The following GSE1 variants were observed in gnomAD, a reference collection of about 807,000 sequenced individuals.
GSE1 encodes Gse1 coiled-coil protein, also known as genetic suppressor element 1.
In GSE1, 32 loss-of-function variants were observed where a neutral mutation model predicts 112.6. The ratio of observed to expected loss-of-function variants is 0.28; its 90% CI spans 0.21 to 0.38. The LOEUF is 0.38. Ranked by LOEUF, GSE1 falls within the 10% of genes least tolerant of loss-of-function variation. The probability of loss-of-function intolerance (pLI) is 1.00; values close to 1 mark genes in which losing one functional copy is unlikely to be tolerated. For synonymous variants in GSE1, 1,115 were observed against 735.6 expected, an observed-to-expected ratio of 1.52 and a Z score of -8.35; for missense variants, 2,348 against 1,699.2, an observed-to-expected ratio of 1.38 and a Z score of -6.71.
chr16:85,667,345 C>G (rs554648751), intron 13 of GSE1, among the ~76,000 whole-genome samples: 6 of 152,386 alleles, frequency 3.9e-5, no homozygotes, highest in African/African-American at 1.4e-4. Flanking sequence ...TCTCAGGCCC[C>G]ACCAGGGGCT....
Position 85,656,419 on chromosome 16 carries a change from G to C in GSE1, c.1066G>C (p.Glu356Gln). The C allele has an allele frequency of 1.3e-6, 2 of 1,573,792 alleles. No individual in the cohort carries two copies. The highest frequency in any genetic ancestry group is 1.7e-6 in the Non-Finnish European group (2 of 1,155,642). Residue 356 changes from glutamate to glutamine, a missense_variant, in exon 7 of 16, where the codon GAG becomes CAG. Transcript: ENST00000253458. Reference protein sequence around the residue: ...EREREREADREREKERERERE... With the variant: ...EREREREADRQREKERERERE... ...CGAGCGTGAGCGTGAGGCTGACCGCGAGCGGGAGAAGGAACGTGAGCGCGA... is the reference window on the plus strand; with the variant it reads ...CGAGCGTGAGCGTGAGGCTGACCGCCAGCGGGAGAAGGAACGTGAGCGCGA...
At chr16:85,194,511 G>T (rs1411205439) in intron 1 of GSE1, among the ~76,000 whole-genome samples, 1 of 152,170 alleles carries the variant, frequency 6.6e-6, no homozygotes, top group Non-Finnish European at 1.5e-5. Flanking sequence ...ATTCTGGAAG[G>T]TTTTTGAGCA....
chr16:85,440,221 G>T (rs1316056289), intron 2 of GSE1, among the ~76,000 whole-genome samples: 1 of 152,234 alleles, frequency 6.6e-6, no homozygotes, highest in African/African-American at 2.4e-5. Context: ...TGGAGGTGAG[G>T]ATCAGGAGAC....
At chr16:85,586,798 G>A (rs1018506817) in intron 1 of GSE1, among the ~76,000 whole-genome samples, 4 of 152,150 alleles carry the variant, frequency 2.6e-5, no homozygotes, top group Non-Finnish European at 5.9e-5. Context: ...GCTCTCCTCC[G>A]TGCCCCCAGG....
At chr16:85,331,681 GTGTGTA>G (rs1266328706) in intron 1 of GSE1, among the ~76,000 whole-genome samples, 1,530 of 48,040 alleles carry the variant, frequency 0.032, 166 homozygotes, top group South Asian at 0.049. Context: ...GTGTGTGTGT[GTGTGTA>G]TATATATATA....
intron 1 of GSE1, among the ~76,000 whole-genome samples, chr16:85,194,294 C>T (rs1273043080): frequency 2.6e-5 from 4 of 152,162 alleles, no homozygotes; most frequent in African/African-American, 9.7e-5. Context: ...GATGCTGGTT[C>T]TTTCATTTCA....
At chr16:85,428,038 C>G (rs2049032601) in intron 2 of GSE1, among the ~76,000 whole-genome samples, 1 of 152,182 alleles carries the variant, frequency 6.6e-6, no homozygotes. Context: ...CATGCGTGGC[C>G]CGTGGCTGCT....
chr16:85,633,762 G>A (rs1355033504), intron 1 of GSE1, 152 bp from the exon 2 acceptor site: 6 of 608,968 alleles, frequency 9.9e-6, no homozygotes, highest in Non-Finnish European at 1.8e-5. Context: ...CTGCAGCGCT[G>A]GCTCTGTCCT....
At chr16:85,304,347 G>T (rs1262303553) in intron 1 of GSE1, among the ~76,000 whole-genome samples, 1 of 152,218 alleles carries the variant, frequency 6.6e-6, no homozygotes, top group Non-Finnish European at 1.5e-5. Context: ...CAGGTGGGGA[G>T]AGGCCCTCGG....
intron 1 of GSE1, among the ~76,000 whole-genome samples, chr16:85,588,466 T>C (rs920439755): frequency 4.6e-5 from 7 of 152,190 alleles, no homozygotes; most frequent in Non-Finnish European, 2.9e-5. Flanking sequence ...CCCCCACATC[T>C]GGTCAATTAA....
chr16:85,422,037 G>A (rs537475658), intron 2 of GSE1, among the ~76,000 whole-genome samples: 44 of 152,138 alleles, frequency 2.9e-4, no homozygotes, highest in African/African-American at 9.6e-4. Context: ...CAGAACTCCC[G>A]CCCCACGGCC....
At chr16:85,525,279 C>G (rs1426072267) in intron 2 of GSE1, among the ~76,000 whole-genome samples, 1 of 152,104 alleles carries the variant, frequency 6.6e-6, no homozygotes, top group Admixed American at 6.5e-5. Context: ...GAGGTGACCG[C>G]CGGGGGCACA....
In GSE1 at chr16:85,655,720, G is replaced by A. The variant is rs765476398; in HGVS notation, c.798-6G>A. 2.8e-5 allele frequency: 45 copies of A among 1,590,370 alleles called. No individual in the cohort carries two copies. The highest frequency in any genetic ancestry group is 1.7e-4 in the Middle Eastern group (1 of 5,976). The stretch of plus-strand genomic sequence containing the variant: ...TGCTGCTCACAGCCCCGTCTTCTCT[G>A]CACAGGATGGACGACTCCTACTGCC... On this transcript the variant is annotated splice_polypyrimidine_tract_variant and splice_region_variant and intron_variant, in intron 5 of 15. Coordinates refer to ENST00000253458, the MANE Select transcript of GSE1 (RefSeq NM_014615.5).
intron 1 of GSE1, among the ~76,000 whole-genome samples, chr16:85,563,717 C>T (rs547944272): frequency 6.6e-6 from 1 of 152,338 alleles, no homozygotes; most frequent in East Asian, 1.9e-4. Flanking sequence ...CATTTGGCTG[C>T]TTGCTTAATG....
chr16:85,648,199 T>C (rs1281279228), intron 2 of GSE1, among the ~76,000 whole-genome samples: 1 of 152,064 alleles, frequency 6.6e-6, no homozygotes, highest in Non-Finnish European at 1.5e-5. Context: ...TACCTTCGTC[T>C]CTCACTCAGG....
intron 1 of GSE1, among the ~76,000 whole-genome samples, chr16:85,351,247 G>A (rs2151559938): frequency 6.6e-6 from 1 of 152,340 alleles, no homozygotes; most frequent in South Asian, 2.1e-4. Context: ...CTGCCGAAGA[G>A]GCTCCTGGAG....
intron 1 of GSE1, among the ~76,000 whole-genome samples, chr16:85,245,833 C>G (rs572797205): frequency 1.7e-3 from 262 of 152,158 alleles, no homozygotes; most frequent in South Asian, 4.8e-3. Flanking sequence ...AAACCCAACC[C>G]TGAACTTTCC....
chr16:85,429,118 C>T (rs145470125), intron 2 of GSE1, among the ~76,000 whole-genome samples: 6 of 152,360 alleles, frequency 3.9e-5, no homozygotes, highest in African/African-American at 1.4e-4. Flanking sequence ...GCAGCAGGTG[C>T]CTGCTCATCA....
chr16:85,219,334 G>T (rs1446256692), intron 1 of GSE1, among the ~76,000 whole-genome samples: 4 of 152,184 alleles, frequency 2.6e-5, no homozygotes, highest in African/African-American at 9.7e-5. Context: ...CTGCCCATGT[G>T]GGTTTTTTAA....
Sources: allele counts gnomAD v4.1 joint callset (sites outside exome capture counted in the v4.1 genomes callset), GRCh38; gene constraint gnomAD v4.1.1; transcripts MANE v1.5; gene names NCBI Gene and HGNC (gene_info 2026-07-23, HGNC 2026-07-21).